WDTC1: variants seen among roughly 807,000 people sequenced by gnomAD.
WDTC1 encodes the protein WD and tetratricopeptide repeats protein 1.
WDTC1 carries 12 observed loss-of-function variants against 76.0 expected under a neutral mutation model. The observed-to-expected ratio is 0.16, with a 90% CI of 0.10 to 0.26. WDTC1 has a LOEUF of 0.26. WDTC1 is among the 10% of genes least tolerant of loss of function. WDTC1 has a pLI of 1.00. For missense variants in WDTC1, 511 were observed against 908.8 expected, an observed-to-expected ratio of 0.56 and a Z score of 5.63; for synonymous variants, 326 against 350.8, an observed-to-expected ratio of 0.93 and a Z score of 0.79.
rs755511929 is a variant in WDTC1, at chr1:27,296,414, T to C, written c.949+13T>C. The C allele has an allele frequency of 6.2e-7, 1 of 1,613,900 alleles. No individual in the cohort carries two copies. ...CACTCCTCGGGGGGTAAGTTCTCCC[T>C]TAGGGTATCTCTACTGCGGCGGTGT... On this transcript the variant is annotated intron_variant, in intron 10 of 15. Coordinates refer to ENST00000319394, the MANE Select transcript of WDTC1 (RefSeq NM_001276252.2).
chr1:27,289,877 C>T (rs564202688), intron 6 of WDTC1, among the ~76,000 whole-genome samples: 6 of 152,132 alleles, frequency 3.9e-5, no homozygotes, highest in South Asian at 2.1e-4. Context: ...CGCAGGCACT[C>T]GGCAGGCTGA....
In WDTC1 at chr1:27,249,280, A is replaced by AG. The variant is rs2011956803; in HGVS notation, c.-99-11675dup. Among the ~76,000 whole-genome samples the AG allele has an allele frequency of 2.0e-5, 3 of 150,678 alleles. No homozygotes were observed. The South Asian group carries it at 6.3e-4, about 32-fold the overall frequency. ...TGAGACTGTCTCAAAAAAAAAAAAAAGCCATATCCTTTAGCTGTCACTTCT... is the reference window on the plus strand; with the variant it reads ...TGAGACTGTCTCAAAAAAAAAAAAAAGGCCATATCCTTTAGCTGTCACTTCT... On this transcript the variant is annotated intron_variant, in intron 1 of 15. Transcript: ENST00000319394.
intron 1 of WDTC1, among the ~76,000 whole-genome samples, chr1:27,254,144 A>T (rs1376116324): frequency 6.6e-6 from 1 of 152,210 alleles, no homozygotes; most frequent in African/African-American, 2.4e-5. Context: ...ATGATTTTTT[A>T]AAATAAAGTG....
At chr1:27,288,877 G>C (rs2013425509) in intron 6 of WDTC1, among the ~76,000 whole-genome samples, 1 of 152,154 alleles carries the variant, frequency 6.6e-6, no homozygotes, top group Non-Finnish European at 1.5e-5. Context: ...ACACCTCCCA[G>C]ACGGGGTGGT....
At position 27,305,302 on chromosome 1, in the gene WDTC1, C is replaced by G; in HGVS notation, c.1836+109C>G. The G allele has an allele frequency of 7.5e-7, 1 of 1,332,802 alleles. No homozygotes were observed. The highest frequency in any genetic ancestry group is 1.0e-6 in the Non-Finnish European group (1 of 1,001,862). The allele number at this position is 1,332,802 out of a possible 1,614,324, so 82.6% of individuals were successfully genotyped here. ...TGAGCCACCCAGAGGCTAGAAGCTG[C>G]TAAGTAAGCCTTACCCCGGGGCCCA... On this transcript the variant is annotated intron_variant, in intron 15 of 15. Transcript: ENST00000319394. This position sits in a 1 kb window ranked among gnomAD's most constrained non-coding sequence, Gnocchi z 4.6.
At chr1:27,273,776 T>A (rs1471257814) in intron 3 of WDTC1, among the ~76,000 whole-genome samples, 1 of 151,914 alleles carries the variant, frequency 6.6e-6, no homozygotes. Flanking sequence ...AGTCTACAAC[T>A]GATTTCTCAA....
chr1:27,242,659 G>C (rs4570442), intron 1 of WDTC1, among the ~76,000 whole-genome samples: 130,204 of 152,002 alleles, frequency 0.86, 57,477 homozygotes, highest in East Asian at 0.97. Context: ...AGTAGAGACA[G>C]GGTTTCACCA....
At chr1:27,245,433 TAAGA>T (rs1048277901) in intron 1 of WDTC1, among the ~76,000 whole-genome samples, 4 of 151,586 alleles carry the variant, frequency 2.6e-5, no homozygotes, top group African/African-American at 9.8e-5. Flanking sequence ...TTTAATCTTC[TAAGA>T]AAGAGAAGCC....
Position 27,298,065 on chromosome 1 carries a change from G to C in WDTC1, c.1186G>C (p.Ala396Pro), listed in dbSNP as rs1295383162. The change falls in exon 12 of 16, where the codon GCC becomes CCC. Residue 396 changes from alanine to proline, a missense_variant. Coordinates refer to ENST00000319394, the MANE Select transcript of WDTC1 (RefSeq NM_001276252.2). ...SKAVQRAPHN[A>P]MLYGNRAAAY... ...GGCTGTGCAGAGGGCCCCTCACAAT[G>C]CCATGCTTTATGGAAACCGAGCAGC... 6.2e-7 allele frequency: 1 copy of C among 1,613,602 alleles called. No individual in the cohort carries two copies. The highest frequency in any genetic ancestry group is 8.5e-7 in the Non-Finnish European group (1 of 1,179,686).
rs1303556724 is a variant in WDTC1 at position 27,237,872 on chromosome 1, AAAAG to A, written c.-100+2925_-100+2928del. Among the ~76,000 whole-genome samples the A allele has an allele frequency of 2.3e-3, 340 of 151,074 alleles. 1 individual carries two copies. The highest frequency in any genetic ancestry group is 7.3e-3 in the African/African-American group (302 of 41,254). Reference sequence around the variant, plus strand: ...GTGAAACTCCATCTCAAAAAAAAAAAAAAGAAAAGAAAAGAAAAAAAAGAAAGAA... The same window carrying A: ...GTGAAACTCCATCTCAAAAAAAAAAAAAAAGAAAAGAAAAAAAAGAAAGAA... On this transcript the variant is annotated intron_variant, in intron 1 of 15. Coordinates refer to ENST00000319394, the MANE Select transcript of WDTC1 (RefSeq NM_001276252.2).
Position 27,306,162 on chromosome 1 carries a change from G to A in WDTC1, c.1837-24G>A, listed in dbSNP as rs774057799. 6 of 1,613,656 alleles carry A rather than the reference G, an allele frequency of 3.7e-6. No homozygotes were observed. In the South Asian group the frequency reaches 4.4e-5, roughly 12 times the overall value. Reference sequence around the variant, plus strand: ...GCCTCTCCCTCCCTGAGCCCCACGTGTGTCACCCCTTTCTCCACCACAGAG... The same window carrying A: ...GCCTCTCCCTCCCTGAGCCCCACGTATGTCACCCCTTTCTCCACCACAGAG... On this transcript the variant is annotated intron_variant, in intron 15 of 15. Coordinates refer to ENST00000319394, the MANE Select transcript of WDTC1 (RefSeq NM_001276252.2). This position sits in a 1 kb window ranked among gnomAD's most constrained non-coding sequence, Gnocchi z 5.0.
At position 27,287,183 on chromosome 1, in the gene WDTC1, A is replaced by C. The variant is rs866351834; in HGVS notation, c.292-491A>C. 4.6e-5 allele frequency among the ~76,000 whole-genome samples: 7 copies of C among 151,788 alleles called. No homozygotes were observed. The Middle Eastern group carries it at 0.01, about 223-fold the overall frequency. On this transcript the variant is annotated intron_variant, in intron 5 of 15. Coordinates refer to ENST00000319394, the MANE Select transcript of WDTC1 (RefSeq NM_001276252.2). ...GTCTCAAAAAAAAAAAACAAAAAAA[A>C]CCCACACACACCCATTCCCTTAAAC...
chr1:27,299,498 G>T (rs1391603322), intron 12 of WDTC1, among the ~76,000 whole-genome samples: 4 of 152,082 alleles, frequency 2.6e-5, no homozygotes, highest in African/African-American at 9.7e-5. Context: ...AGGGGCCTGT[G>T]GGGGAAGGAC....
At chr1:27,288,971 G>A (rs2147971765) in intron 6 of WDTC1, among the ~76,000 whole-genome samples, 1 of 106,674 alleles carries the variant, frequency 9.4e-6, no homozygotes, top group East Asian at 3.6e-4. Context: ...CGGCTGGCCG[G>A]GCGGGGGGCT....
intron 1 of WDTC1, among the ~76,000 whole-genome samples, chr1:27,253,087 C>T (rs1264777337): frequency 1.4e-5 from 2 of 147,556 alleles, no homozygotes; most frequent in Non-Finnish European, 3.0e-5. Context: ...CGGCTCACTG[C>T]AACCTCCGCC....
At chr1:27,261,891 T>G (rs1388111934) in intron 2 of WDTC1, among the ~76,000 whole-genome samples, 1 of 152,136 alleles carries the variant, frequency 6.6e-6, no homozygotes, top group East Asian at 1.9e-4. Context: ...AGAAAGTTGT[T>G]TGACAAATTA....
At chr1:27,294,213 A>C in intron 8 of WDTC1, 97 bp downstream of exon 8, 4 of 1,334,442 alleles carry the variant, frequency 3.0e-6, no homozygotes, top group Non-Finnish European at 4.1e-6. Flanking sequence ...GGTCAAGAGC[A>C]AGGGTTTTAG....
intron 1 of WDTC1, among the ~76,000 whole-genome samples, chr1:27,242,374 C>T (rs915581601): frequency 2.0e-5 from 3 of 152,178 alleles, no homozygotes; most frequent in African/African-American, 2.4e-5. Context: ...GAGGCTGAGG[C>T]AGGAGGATCC....
intron 1 of WDTC1, among the ~76,000 whole-genome samples, chr1:27,242,657 CAG>C (rs2011665586): frequency 6.6e-6 from 1 of 152,018 alleles, no homozygotes; most frequent in Non-Finnish European, 1.5e-5. Flanking sequence ...TTAGTAGAGA[CAG>C]GGTTTCACCA....
Sources: allele counts gnomAD v4.1 joint callset (sites outside exome capture counted in the v4.1 genomes callset), GRCh38; gene constraint gnomAD v4.1.1; non-coding constraint Gnocchi (gnomAD v3.1); transcripts MANE v1.5; gene names NCBI Gene and HGNC (gene_info 2026-07-23, HGNC 2026-07-21).